BBS9: variants seen among roughly 807,000 people sequenced by gnomAD.
BBS9 encodes protein PTHB1.
BBS9 carries 89 observed loss-of-function variants against 117.7 expected under a neutral mutation model. The observed-to-expected ratio is 0.76, with a 90% confidence interval of 0.64 to 0.90. BBS9 has a LOEUF of 0.90. Among genes scored for constraint, BBS9 ranks in the 40% least tolerant of loss-of-function variants. BBS9 has a pLI of 0.00. For synonymous variants in BBS9, 379 were observed against 370.9 expected (o/e 1.02, Z -0.25); for missense variants, 982 against 1,042.2 (o/e 0.94, Z 0.80).
At chr7:33,480,613 A>G (rs1216862989) in intron 19 of BBS9, among the ~76,000 whole-genome samples, 1 of 152,092 alleles carries the variant, frequency 6.6e-6, no homozygotes, top group Non-Finnish European at 1.5e-5. Flanking sequence ...TTGTGTTATC[A>G]CTTGCTTAGG....
chr7:33,154,519 G>A (rs1013824971), intron 3 of BBS9, among the ~76,000 whole-genome samples: 12 of 152,146 alleles, frequency 7.9e-5, no homozygotes, highest in Non-Finnish European at 1.8e-4. Context: ...AGACTGGAGT[G>A]CAATGGCGTG....
intron 19 of BBS9, among the ~76,000 whole-genome samples, chr7:33,478,666 AT>A (rs562084284): frequency 0.1 from 14,883 of 148,884 alleles, 1,130 homozygotes; most frequent in African/African-American, 0.22. Flanking sequence ...TTTGTTTGTA[AT>A]TTTTTTTTTT....
chr7:33,400,407 A>T (rs929524), intron 19 of BBS9, among the ~76,000 whole-genome samples: 23,585 of 152,130 alleles, frequency 0.16, 2,285 homozygotes, highest in South Asian at 0.21. Flanking sequence ...GATTTCTTTC[A>T]TTTCTGTTAT....
At chr7:33,420,503 T>C (rs1832695521) in intron 19 of BBS9, among the ~76,000 whole-genome samples, 2 of 152,162 alleles carry the variant, frequency 1.3e-5, no homozygotes, top group Non-Finnish European at 2.9e-5. Flanking sequence ...ATGATGATAC[T>C]GTTACGAGGT....
chr7:33,288,726 T>C (rs1283313688), intron 9 of BBS9, among the ~76,000 whole-genome samples: 3 of 152,214 alleles, frequency 2.0e-5, no homozygotes, highest in Non-Finnish European at 4.4e-5. Flanking sequence ...GAGTAACATG[T>C]TATTTCCCAA....
intron 21 of BBS9, among the ~76,000 whole-genome samples, chr7:33,539,811 G>A (rs909975817): frequency 6.6e-6 from 1 of 152,184 alleles, no homozygotes; most frequent in Non-Finnish European, 1.5e-5. Flanking sequence ...CACTTTAACT[G>A]CATTAAACTT....
chr7:33,304,718 CAG>C (rs1263428289), intron 9 of BBS9, among the ~76,000 whole-genome samples: 1 of 151,658 alleles, frequency 6.6e-6, no homozygotes, highest in Non-Finnish European at 1.5e-5. Context: ...GTGGGGAAAA[CAG>C]AGATCAGATT....
intron 19 of BBS9, among the ~76,000 whole-genome samples, chr7:33,408,142 C>T (rs1012020371): frequency 3.3e-5 from 5 of 152,204 alleles, no homozygotes; most frequent in Admixed American, 6.5e-5. Flanking sequence ...TGGGCAATGG[C>T]GGGCGCCCCT....
chr7:33,630,646 G>A (rs756700545), intron 21 of BBS9, among the ~76,000 whole-genome samples: 4 of 152,126 alleles, frequency 2.6e-5, no homozygotes, highest in Non-Finnish European at 5.9e-5. Flanking sequence ...ACAGCTTTCA[G>A]TATCAAGTTC....
At chr7:33,437,465 T>G (rs536395056) in intron 19 of BBS9, among the ~76,000 whole-genome samples, 1 of 152,242 alleles carries the variant, frequency 6.6e-6, no homozygotes, top group Admixed American at 6.5e-5. Context: ...GAGGGGAAAA[T>G]TCTTTTGAAT....
intron 21 of BBS9, among the ~76,000 whole-genome samples, chr7:33,572,342 T>C (rs1465023147): frequency 6.6e-6 from 1 of 152,160 alleles, no homozygotes; most frequent in Middle Eastern, 3.2e-3. Context: ...CATTCATTCG[T>C]TGATGGACAC....
chr7:33,587,163 C>G (rs1398441555), intron 21 of BBS9, among the ~76,000 whole-genome samples: 1 of 152,074 alleles, frequency 6.6e-6, no homozygotes, highest in Non-Finnish European at 1.5e-5. Context: ...TGGAACAGCT[C>G]TCTCAGCTCA....
intron 21 of BBS9, among the ~76,000 whole-genome samples, chr7:33,575,945 T>C (rs1022300104): frequency 3.9e-5 from 6 of 152,176 alleles, no homozygotes; most frequent in African/African-American, 1.4e-4. Context: ...CCACAGCCAG[T>C]ATCATACTGA....
intron 19 of BBS9, among the ~76,000 whole-genome samples, chr7:33,471,479 A>G (rs548276904): frequency 6.6e-6 from 1 of 152,206 alleles, no homozygotes; most frequent in Non-Finnish European, 1.5e-5. Context: ...CGTATAGTCC[A>G]TAGTAGGTGC....
At chr7:33,580,797 G>T (rs540480336) in intron 21 of BBS9, among the ~76,000 whole-genome samples, 2 of 152,282 alleles carry the variant, frequency 1.3e-5, no homozygotes, top group African/African-American at 4.8e-5. Flanking sequence ...CAGCCAGGAT[G>T]CTAAGACAGT....
intron 19 of BBS9, among the ~76,000 whole-genome samples, chr7:33,498,381 TAA>T (rs927320796): frequency 6.6e-6 from 1 of 152,186 alleles, no homozygotes; most frequent in Non-Finnish European, 1.5e-5. Context: ...TTCAGTCATT[TAA>T]AGAGTATAAT....
At chr7:33,432,799 A>T (rs1584806616) in intron 19 of BBS9, among the ~76,000 whole-genome samples, 1 of 151,448 alleles carries the variant, frequency 6.6e-6, no homozygotes, top group East Asian at 1.9e-4. Context: ...TTTTTTTTCA[A>T]GGTATTTTCC....
chr7:33,141,067 A>T (rs1049926561), intron 1 of BBS9, among the ~76,000 whole-genome samples: 1 of 152,172 alleles, frequency 6.6e-6, no homozygotes, highest in African/African-American at 2.4e-5. Flanking sequence ...AAAACCATCA[A>T]ATTTGTTTTT....
At chr7:33,197,586 A>G (rs1322548278) in intron 5 of BBS9, among the ~76,000 whole-genome samples, 1 of 152,018 alleles carries the variant, frequency 6.6e-6, no homozygotes, top group Non-Finnish European at 1.5e-5. Context: ...GTTGACTACT[A>G]GCATGTCAAA....
Sources: allele counts gnomAD v4.1 joint callset (sites outside exome capture counted in the v4.1 genomes callset), GRCh38; gene constraint gnomAD v4.1.1; transcripts MANE v1.5; gene names NCBI Gene and HGNC (gene_info 2026-07-23, HGNC 2026-07-21).